GNG7: variants seen among roughly 807,000 people sequenced by gnomAD.
The protein encoded by GNG7 is guanine nucleotide-binding protein G(I)/G(S)/G(O) subunit gamma-7.
A neutral mutation model predicts 4.0 loss-of-function variants in GNG7; 1 was observed. That is an observed-to-expected ratio of 0.25 (90% CI 0.09 to 1.18). The LOEUF (loss-of-function observed/expected upper bound fraction) is 1.18. Ranked by LOEUF, GNG7 falls within the 50% of genes most tolerant of loss-of-function variation. GNG7 has a pLI of 0.50. For missense variants in GNG7, 86 were observed against 91.9 expected, an observed-to-expected ratio of 0.94 and a Z score of 0.26; for synonymous variants, 34 against 36.9, an observed-to-expected ratio of 0.92 and a Z score of 0.29.
chr19:2,661,302 G>GGAAGGAAGAA (rs1473005292), intron 1 of GNG7, among the ~76,000 whole-genome samples: 1 of 73,122 alleles, frequency 1.4e-5, no homozygotes, highest in African/African-American at 5.4e-5. Flanking sequence ...AAGAAAGAAA[G>GGAAGGAAGAA]AGAAAGAAAG....
Position 2,634,043 on chromosome 19 carries a change from G to A in GNG7, c.-78+12181C>T, listed in dbSNP as rs72978709. Among the ~76,000 whole-genome samples the A allele has an allele frequency of 0.069, 10,490 of 152,206 alleles. 490 individuals carry two copies. The highest frequency in any genetic ancestry group is 0.19 in the South Asian group (927 of 4,812). The stretch of plus-strand genomic sequence containing the variant: ...GATCCTCTGCCCTGCTGAGGTCCCC[G>A]GAGGCTGCACACATTGAAATCCACA... On this transcript the variant is annotated intron_variant, in intron 2 of 4. Transcript: ENST00000382159. This position sits in a 1 kb window ranked among gnomAD's most constrained non-coding sequence, Gnocchi z 5.3.
At chr19:2,552,848 T>TCCCCCC (rs1555693069) in intron 3 of GNG7, among the ~76,000 whole-genome samples, 8 of 84,514 alleles carry the variant, frequency 9.5e-5, no homozygotes, top group African/African-American at 1.4e-4. Flanking sequence ...TCCTCCCGGC[T>TCCCCCC]CCACCCCCCC....
intron 3 of GNG7, among the ~76,000 whole-genome samples, chr19:2,539,023 G>A (rs1302166833): frequency 2.0e-5 from 3 of 152,032 alleles, no homozygotes; most frequent in Non-Finnish European, 2.9e-5. Context: ...TGCCCACCTC[G>A]GCCTCCCAAA....
At chr19:2,608,106 A>T (rs1378814013) in intron 2 of GNG7, among the ~76,000 whole-genome samples, 1 of 151,574 alleles carries the variant, frequency 6.6e-6, no homozygotes, top group South Asian at 2.1e-4. Flanking sequence ...AGGAAAAAAA[A>T]AATAAATAAA....
intron 2 of GNG7, among the ~76,000 whole-genome samples, chr19:2,555,653 A>C (rs1979518346): frequency 6.6e-6 from 1 of 152,168 alleles, no homozygotes; most frequent in South Asian, 2.1e-4. Flanking sequence ...GGACAAACCA[A>C]TTAACCCCGA....
intron 3 of GNG7, among the ~76,000 whole-genome samples, chr19:2,545,369 C>T (rs775419090): frequency 6.6e-6 from 1 of 152,036 alleles, no homozygotes; most frequent in African/African-American, 2.4e-5. Flanking sequence ...ACACATAGGC[C>T]GGGCACGGTG....
chr19:2,626,063 C>T lies in GNG7; in HGVS notation c.-78+20161G>A, dbSNP rs925786846. On this transcript the variant is annotated intron_variant, in intron 2 of 4. Transcript: ENST00000382159. This position sits in a 1 kb window ranked among gnomAD's most constrained non-coding sequence, Gnocchi z 5.0. ...TCGGCCTCCCAAAGTGCTGGGATGACAGGCGTGAGCCATGGCGCCCGGCCT... is the reference window on the plus strand; with the variant it reads ...TCGGCCTCCCAAAGTGCTGGGATGATAGGCGTGAGCCATGGCGCCCGGCCT... Among the ~76,000 whole-genome samples the T allele has an allele frequency of 6.6e-6, 1 of 152,192 alleles. No homozygotes were observed. The highest frequency in any genetic ancestry group is 2.4e-5 in the African/African-American group (1 of 41,450).
intron 2 of GNG7, among the ~76,000 whole-genome samples, chr19:2,573,382 A>C (rs943005171): frequency 2.6e-5 from 4 of 152,094 alleles, no homozygotes; most frequent in African/African-American, 9.7e-5. Flanking sequence ...CTCCCCAGCC[A>C]AGTTTCTGCA....
intron 1 of GNG7, among the ~76,000 whole-genome samples, chr19:2,677,381 T>A (rs1253149536): frequency 1.3e-5 from 2 of 152,120 alleles, no homozygotes; most frequent in Non-Finnish European, 1.5e-5. Flanking sequence ...GGGATGCTCC[T>A]GGCGTGGAGT....
At position 2,626,051 on chromosome 19, in the gene GNG7, G is replaced by T. The variant is rs1982013319; in HGVS notation, c.-78+20173C>A. 6.6e-6 allele frequency among the ~76,000 whole-genome samples: 1 copy of T among 152,194 alleles called. No individual in the cohort carries two copies. The highest frequency in any genetic ancestry group is 2.4e-5 in the African/African-American group (1 of 41,442). ...GATCCACCCGCCTCGGCCTCCCAAA[G>T]TGCTGGGATGACAGGCGTGAGCCAT... On this transcript the variant is annotated intron_variant, in intron 2 of 4. Coordinates refer to ENST00000382159, the MANE Select transcript of GNG7 (RefSeq NM_052847.3). The surrounding 1 kb of genome is among the most constrained non-coding windows in gnomAD (Gnocchi z 5.0).
At position 2,614,592 on chromosome 19, in the gene GNG7, G is replaced by C. The variant is rs1015815676; in HGVS notation, c.-78+31632C>G. Among the ~76,000 whole-genome samples, 6 of 152,112 alleles carry C rather than the reference G, an allele frequency of 3.9e-5. No homozygotes were observed. The highest frequency in any genetic ancestry group is 1.4e-4 in the African/African-American group (6 of 41,406). On this transcript the variant is annotated intron_variant, in intron 2 of 4. Transcript: ENST00000382159. This position sits in a 1 kb window ranked among gnomAD's most constrained non-coding sequence, Gnocchi z 6.0. ...TCTCACTGAGTGTGACATCCTCAAG[G>C]GGCATCCAGGCTGCACGTGGCCTGG...
chr19:2,624,816 C>G (rs1028226257), intron 2 of GNG7, among the ~76,000 whole-genome samples: 4 of 152,228 alleles, frequency 2.6e-5, no homozygotes, highest in Admixed American at 1.3e-4. Context: ...CACAGGGGCC[C>G]GAGCCCCTCC....
At chr19:2,585,866 A>AT (rs1281030781) in intron 2 of GNG7, among the ~76,000 whole-genome samples, 1 of 151,716 alleles carries the variant, frequency 6.6e-6, no homozygotes, top group Non-Finnish European at 1.5e-5. Flanking sequence ...ACGCCCGGCT[A>AT]TTTTTTTGTA....
chr19:2,579,943 G>A (rs1211739418), intron 2 of GNG7, among the ~76,000 whole-genome samples: 5 of 152,162 alleles, frequency 3.3e-5, no homozygotes, highest in African/African-American at 7.2e-5. Flanking sequence ...AGGGGAGAAC[G>A]CTTTCTGCCT....
At chr19:2,565,452 C>T (rs372938240) in intron 2 of GNG7, among the ~76,000 whole-genome samples, 6 of 150,486 alleles carry the variant, frequency 4.0e-5, no homozygotes, top group South Asian at 4.2e-4. Context: ...GCGGAGGTTG[C>T]AGTGAGCCGA....
At position 2,653,585 on chromosome 19, in the gene GNG7, G is replaced by A. The variant is rs1326166201; in HGVS notation, c.-134-7305C>T. Among the ~76,000 whole-genome samples the A allele has an allele frequency of 2.0e-5, 3 of 152,184 alleles. No homozygotes were observed. Among genetic ancestry groups the A allele is most frequent in the South Asian group, 2.1e-4 (1 of 4,834 alleles). On this transcript the variant is annotated intron_variant, in intron 1 of 4. Coordinates refer to ENST00000382159, the MANE Select transcript of GNG7 (RefSeq NM_052847.3). This position sits in a 1 kb window ranked among gnomAD's most constrained non-coding sequence, Gnocchi z 4.8. The stretch of plus-strand genomic sequence containing the variant: ...CAGATGAATGTAGGGTCTCCCCCTC[G>A]GCACTGTGGGCATTGGGGCCGGATC...
intron 2 of GNG7, among the ~76,000 whole-genome samples, chr19:2,588,211 T>C (rs866027668): frequency 1.3e-5 from 2 of 152,114 alleles, no homozygotes; most frequent in South Asian, 2.1e-4. Flanking sequence ...CAAACTATTT[T>C]CCTAAGCTTG....
At chr19:2,612,852 C>A (rs1451853711) in intron 2 of GNG7, among the ~76,000 whole-genome samples, 1 of 151,748 alleles carries the variant, frequency 6.6e-6, no homozygotes, top group Non-Finnish European at 1.5e-5. Context: ...ACCACCACAC[C>A]CGGCTAATTT....
chr19:2,547,356 G>A (rs1012472365), intron 3 of GNG7, among the ~76,000 whole-genome samples: 2 of 152,040 alleles, frequency 1.3e-5, no homozygotes, highest in Non-Finnish European at 2.9e-5. Context: ...AGGCTCCAGG[G>A]GAGAATCTCT....
Sources: gnomAD v4.1 joint callset for allele counts (sites outside exome capture counted in the v4.1 genomes callset) on GRCh38, gnomAD v4.1.1 for gene constraint, Gnocchi (gnomAD v3.1) non-coding constraint, MANE v1.5 for transcripts, NCBI Gene and HGNC (gene_info 2026-07-23, HGNC 2026-07-21) for gene names.